The following NCAPH variants were observed in gnomAD, a reference collection of about 807,000 sequenced individuals.
NCAPH encodes the protein non-SMC condensin I complex subunit H.
Under a neutral mutation model 85.5 loss-of-function variants are expected in NCAPH, and 38 were observed. The ratio of observed to expected loss-of-function variants is 0.44; its 90% CI spans 0.34 to 0.58. The LOEUF (loss-of-function observed/expected upper bound fraction) is 0.58, where lower values mean the gene tolerates loss of function less well. NCAPH is among the 20% of genes least tolerant of loss of function. The pLI is 0.01. For missense variants in NCAPH, 789 were observed against 916.6 expected, an observed-to-expected ratio of 0.86 and a Z score of 1.80; for synonymous variants, 301 against 335.1, an observed-to-expected ratio of 0.90 and a Z score of 1.11.
At chr2:96,369,313 G>A in intron 16 of NCAPH, 112 bp from the exon 17 acceptor site, 1 of 980,442 alleles carries the variant, frequency 1.0e-6, no homozygotes, top group East Asian at 2.4e-5. Context: ...GCATCTGAAA[G>A]ATTTGTTTCT....
Position 96,364,411 on chromosome 2 carries a change from A to C in NCAPH, c.1588-70A>C, listed in dbSNP as rs1202993766. The C allele has an allele frequency of 3.0e-6, 3 of 997,152 alleles. No homozygotes were observed. The African/African-American group carries it at 4.9e-5, about 16-fold the overall frequency. The allele number at this position is 997,152 out of a possible 1,614,324, so 61.8% of individuals were successfully genotyped here. Reference sequence around the variant, plus strand: ...AGGAGGAGATTGGGCATAGGAATTAAGATTTACTTCTCTAACCTAGTTCAG... The same window carrying C: ...AGGAGGAGATTGGGCATAGGAATTACGATTTACTTCTCTAACCTAGTTCAG... On this transcript the variant is annotated intron_variant, in intron 12 of 17. Transcript: ENST00000240423.
rs1053624832 is a variant in NCAPH, at chr2:96,351,679, A to C, written c.721-152A>C. The C allele has an allele frequency of 1.4e-4, 95 of 659,968 alleles. 1 individual carries two copies. The highest frequency in any genetic ancestry group is 3.9e-4 in the African/African-American group (21 of 54,256). 40.9% of individuals were successfully genotyped at this position (659,968 alleles called of 1,614,324 possible). A position where few individuals can be genotyped will look rare whatever the true frequency, so the allele number is the denominator to read the frequency against. ...CAAGACTCCATCTCAAAAAAAAAAAAAAAAAACAAAAACAAACCACTTTTG... is the reference window on the plus strand; with the variant it reads ...CAAGACTCCATCTCAAAAAAAAAAACAAAAAACAAAAACAAACCACTTTTG... On this transcript the variant is annotated intron_variant, in intron 6 of 17. Transcript: ENST00000240423.
At chr2:96,337,085 G>A (rs533600144) in intron 1 of NCAPH, among the ~76,000 whole-genome samples, 65 of 152,334 alleles carry the variant, frequency 4.3e-4, no homozygotes, top group African/African-American at 1.5e-3. Flanking sequence ...AAATGAGTGG[G>A]AAATGAGGAA....
chr2:96,365,221 G>A (rs1039145690), intron 13 of NCAPH, among the ~76,000 whole-genome samples: 6 of 152,132 alleles, frequency 3.9e-5, no homozygotes, highest in African/African-American at 9.7e-5. Flanking sequence ...ATGTGGAAAG[G>A]GGGGAACGAA....
In NCAPH at chr2:96,376,639, A is replaced by G. The variant is rs1573105820; in HGVS notation, c.*3288A>G. Among the ~76,000 whole-genome samples, 1 of 152,144 alleles carries G rather than the reference A, an allele frequency of 6.6e-6. No homozygotes were observed. Among genetic ancestry groups the G allele is most frequent in the East Asian group, 1.9e-4 (1 of 5,196 alleles). ...GCACAGGATACTGGGTCATTTCAAC[A>G]CCACAAGGATTTGCAGCATCTGCGG... On this transcript the variant is annotated 3_prime_UTR_variant, in exon 18 of 18. Transcript: ENST00000240423.
At chr2:96,372,693 G>A (rs1318381338) in intron 17 of NCAPH, among the ~76,000 whole-genome samples, 1 of 152,076 alleles carries the variant, frequency 6.6e-6, no homozygotes, top group Non-Finnish European at 1.5e-5. Flanking sequence ...TCAACTGTTG[G>A]TGGTACTGCA....
In NCAPH at chr2:96,361,783, C is replaced by CATATATATGTATATATATGTATAT. The variant is rs1558800220; in HGVS notation, c.1587+1074_1587+1075insTATATATGTATATATATGTATATA. 1.5e-4 allele frequency among the ~76,000 whole-genome samples: 17 copies of CATATATATGTATATATATGTATAT among 113,186 alleles called. No homozygotes were observed. In the East Asian group the frequency reaches 2.6e-3, roughly 18 times the overall value. 74.3% of individuals were successfully genotyped at this position (113,186 alleles called of 152,430 possible). ...ATATATATATACATATATATATATA[C>CATATATATGTATATATATGTATAT]ACATATATATGTATATATATGTGTA... On this transcript the variant is annotated intron_variant, in intron 12 of 17. Transcript: ENST00000240423.
At chr2:96,350,062 G>A (rs1018867324) in intron 6 of NCAPH, among the ~76,000 whole-genome samples, 3 of 152,220 alleles carry the variant, frequency 2.0e-5, no homozygotes, top group African/African-American at 4.8e-5. Flanking sequence ...GAGAGTATAC[G>A]AGTTTGGCTA....
At chr2:96,360,813 G>T in intron 12 of NCAPH, 103 bp downstream of exon 12, 1 of 1,443,814 alleles carries the variant, frequency 6.9e-7, no homozygotes, top group South Asian at 1.3e-5. Context: ...GTGAGGAGTG[G>T]TATGTGTTAG....
intron 9 of NCAPH, among the ~76,000 whole-genome samples, chr2:96,358,199 A>G (rs2064549735): frequency 6.6e-6 from 1 of 152,258 alleles, no homozygotes; most frequent in South Asian, 2.1e-4. Context: ...ACGGCAAAGA[A>G]TAAAGCTGGA....
At chr2:96,370,730 C>G (rs1558805048) in intron 17 of NCAPH, among the ~76,000 whole-genome samples, 1 of 152,190 alleles carries the variant, frequency 6.6e-6, no homozygotes, top group South Asian at 2.1e-4. Flanking sequence ...TGGGCCAGGA[C>G]CAAGTGCTGT....
intron 8 of NCAPH, among the ~76,000 whole-genome samples, 156 bp downstream of exon 8, chr2:96,353,553 G>T (rs1355746905): frequency 6.6e-6 from 1 of 152,198 alleles, no homozygotes; most frequent in East Asian, 1.9e-4. Context: ...CCTGAGGGAG[G>T]AGGGTAGGGT....
intron 17 of NCAPH, among the ~76,000 whole-genome samples, chr2:96,369,934 ACAGT>A (rs1353945005): frequency 1.3e-5 from 2 of 152,224 alleles, no homozygotes; most frequent in Non-Finnish European, 2.9e-5. Flanking sequence ...TATGGAGGTA[ACAGT>A]CAGAAAAGTC....
intron 9 of NCAPH, among the ~76,000 whole-genome samples, chr2:96,357,779 C>CA (rs541527316): frequency 1.1e-3 from 172 of 152,172 alleles, no homozygotes; most frequent in Non-Finnish European, 2.0e-3. Flanking sequence ...TATGTAAAGA[C>CA]AAAATCCCCT....
intron 12 of NCAPH, among the ~76,000 whole-genome samples, chr2:96,361,921 C>G (rs1201177519): frequency 1.3e-5 from 2 of 148,184 alleles, no homozygotes; most frequent in African/African-American, 5.0e-5. Context: ...CTCTGTTGCC[C>G]AGGCCATAGT....
chr2:96,368,081 G>A (rs1162418641), intron 15 of NCAPH, among the ~76,000 whole-genome samples: 1 of 152,210 alleles, frequency 6.6e-6, no homozygotes, highest in African/African-American at 2.4e-5. Flanking sequence ...CTCAATGAAA[G>A]GAAGTCTCAG....
rs1022162274 is a variant in NCAPH at position 96,360,641 on chromosome 2, C to T, written c.1518C>T (p.Thr506=). ...STLENQNWRA[T]TLPTDFNYNV... Reference sequence around the variant, plus strand: ...TGGAGAACCAGAATTGGAGAGCTACCACCCTTCCTACAGATTTCAACTACA... The same window carrying T: ...TGGAGAACCAGAATTGGAGAGCTACTACCCTTCCTACAGATTTCAACTACA... Residue 506 remains threonine (T), a synonymous_variant, in exon 12 of 18, where the codon ACC becomes ACT. Coordinates refer to ENST00000240423, the MANE Select transcript of NCAPH (RefSeq NM_015341.5). 7 of 1,613,954 alleles carry T rather than the reference C, an allele frequency of 4.3e-6. No individual in the cohort carries two copies. Among genetic ancestry groups the T allele is most frequent in the Non-Finnish European group, 5.1e-6 (6 of 1,179,978 alleles).
At chr2:96,341,271 T>C (rs773728859) in intron 1 of NCAPH, 5 of 187,140 alleles carry the variant, frequency 2.7e-5, no homozygotes, top group Non-Finnish European at 3.3e-5. Flanking sequence ...ACCTCACCCT[T>C]GTCTCAGCAT....
chr2:96,370,148 T>A (rs555236933), intron 17 of NCAPH, among the ~76,000 whole-genome samples: 1 of 152,196 alleles, frequency 6.6e-6, no homozygotes, highest in East Asian at 1.9e-4. Flanking sequence ...GCCCACACAT[T>A]TGAGCATCAC....
Sources: allele counts gnomAD v4.1 joint callset (sites outside exome capture counted in the v4.1 genomes callset), GRCh38; gene constraint gnomAD v4.1.1; transcripts MANE v1.5; gene names NCBI Gene and HGNC (gene_info 2026-07-23, HGNC 2026-07-21).